Variants in ZBTB20 observed in about 807,000 individuals in gnomAD.
ZBTB20 encodes the protein zinc finger and BTB domain containing 20.
ZBTB20 carries 9 observed loss-of-function variants against 56.9 expected under a neutral mutation model. That is an observed-to-expected ratio of 0.16 (90% CI 0.10 to 0.28). The LOEUF is 0.28. Among genes scored for constraint, ZBTB20 ranks in the 10% least tolerant of loss-of-function variants. ZBTB20 has a pLI of 1.00. For missense variants in ZBTB20, 655 were observed against 1,003.0 expected (o/e 0.65, Z 4.69); for synonymous variants, 417 against 420.7 (o/e 0.99, Z 0.11).
In ZBTB20 at chr3:114,855,983, G is replaced by A. The variant is rs1157346351; in HGVS notation, c.-417+44321C>T. Among the ~76,000 whole-genome samples the A allele has an allele frequency of 3.3e-5, 5 of 152,142 alleles. No individual in the cohort carries two copies. In the East Asian group the frequency reaches 5.8e-4, roughly 18 times the overall value. On this transcript the variant is annotated intron_variant, in intron 4 of 11. Coordinates refer to ENST00000675478, the MANE Select transcript of ZBTB20 (RefSeq NM_001348800.3). The stretch of plus-strand genomic sequence containing the variant: ...CTTCCTAGCATTATTTTAGGGAGGC[G>A]TTAGGGTATAGAGAGTGAAAAACAC...
At chr3:114,464,623 A>C (rs1297320614) in intron 7 of ZBTB20, among the ~76,000 whole-genome samples, 1 of 152,212 alleles carries the variant, frequency 6.6e-6, no homozygotes, top group African/African-American at 2.4e-5. Flanking sequence ...AAGACTAATA[A>C]ATGAATAAAT....
rs2079130051 is a variant in ZBTB20 at position 114,328,447 on chromosome 3, T to C, written c.*10558A>G. The C allele has an allele frequency of 6.6e-6, 1 of 152,114 alleles. No individual in the cohort carries two copies. The highest frequency in any genetic ancestry group is 2.1e-4 in the South Asian group (1 of 4,828). 9.4% of individuals were successfully genotyped at this position (152,114 alleles called of 1,614,324 possible). On this transcript the variant is annotated 3_prime_UTR_variant, in exon 12 of 12. Coordinates refer to ENST00000675478, the MANE Select transcript of ZBTB20 (RefSeq NM_001348800.3). ...GAAACAGTCAACATTAATGATTCTTTTTTTCTCCGTCAAAAGTGATTTACT... is the reference window on the plus strand; with the variant it reads ...GAAACAGTCAACATTAATGATTCTTCTTTTCTCCGTCAAAAGTGATTTACT...
At position 115,139,639 on chromosome 3, in the gene ZBTB20, G is replaced by T. The variant is rs140827056; in HGVS notation, c.-703+7580C>A. Reference sequence around the variant, plus strand: ...AATGTATACCTATGTTTTGCTTAGAGAAGAGAATCACAAAACCAAATTTAT... The same window carrying T: ...AATGTATACCTATGTTTTGCTTAGATAAGAGAATCACAAAACCAAATTTAT... On this transcript the variant is annotated intron_variant, in intron 1 of 11. Coordinates refer to ENST00000675478, the MANE Select transcript of ZBTB20 (RefSeq NM_001348800.3). 2.0e-5 allele frequency among the ~76,000 whole-genome samples: 3 copies of T among 152,094 alleles called. No homozygotes were observed. In the East Asian group the frequency reaches 5.8e-4, roughly 29 times the overall value.
At chr3:114,386,817 T>C (rs974317259) in intron 8 of ZBTB20, among the ~76,000 whole-genome samples, 9 of 152,174 alleles carry the variant, frequency 5.9e-5, no homozygotes, top group African/African-American at 2.2e-4. Flanking sequence ...TTCTTCTCTC[T>C]TATACTTTCA....
chr3:114,361,831 G>A (rs1396969135), intron 10 of ZBTB20, among the ~76,000 whole-genome samples: 1 of 152,184 alleles, frequency 6.6e-6, no homozygotes, highest in Non-Finnish European at 1.5e-5. Context: ...GACATAAAAA[G>A]GCACCACTTT....
chr3:114,670,625 T>C (rs1019026004), intron 6 of ZBTB20, among the ~76,000 whole-genome samples: 4 of 151,760 alleles, frequency 2.6e-5, no homozygotes, highest in Non-Finnish European at 5.9e-5. Flanking sequence ...TGCAGAAAAA[T>C]AAAAGGTAGA....
intron 5 of ZBTB20, among the ~76,000 whole-genome samples, chr3:114,788,981 CCT>C (rs2070753955): frequency 6.6e-6 from 1 of 152,082 alleles, no homozygotes; most frequent in South Asian, 2.1e-4. Flanking sequence ...AAAAACCGCC[CCT>C]GTGATTCAAG....
chr3:115,097,159 G>A (rs2083408595), intron 1 of ZBTB20, among the ~76,000 whole-genome samples: 1 of 151,946 alleles, frequency 6.6e-6, no homozygotes, highest in Non-Finnish European at 1.5e-5. Context: ...ATATGGTCTG[G>A]CATTCCATTT....
intron 6 of ZBTB20, among the ~76,000 whole-genome samples, chr3:114,605,046 C>T (rs774342268): frequency 4.0e-5 from 6 of 151,688 alleles, no homozygotes; most frequent in Non-Finnish European, 5.9e-5. Context: ...AATACTTAGG[C>T]GATGTACTCA....
chr3:115,130,603 G>A (rs1476462371), intron 1 of ZBTB20, among the ~76,000 whole-genome samples: 1 of 152,104 alleles, frequency 6.6e-6, no homozygotes, highest in Non-Finnish European at 1.5e-5. Flanking sequence ...GAAGATTTAA[G>A]AGAACATGTA....
chr3:114,695,313 T>C (rs1458316938), intron 5 of ZBTB20, among the ~76,000 whole-genome samples: 1 of 151,012 alleles, frequency 6.6e-6, no homozygotes, highest in African/African-American at 2.5e-5. Flanking sequence ...GGATCCCATA[T>C]TAAAAAAATA....
rs572732880 is a variant in ZBTB20 at position 114,628,374 on chromosome 3, G to A, written c.-295+65154C>T. Reference sequence around the variant, plus strand: ...TTTAGTGTAGCAGGGCATGGAGGAAGCCAGCCATCCAAAAGTGGAGCAAAG... The same window carrying A: ...TTTAGTGTAGCAGGGCATGGAGGAAACCAGCCATCCAAAAGTGGAGCAAAG... On this transcript the variant is annotated intron_variant, in intron 6 of 11. Coordinates refer to ENST00000675478, the MANE Select transcript of ZBTB20 (RefSeq NM_001348800.3). Among the ~76,000 whole-genome samples the A allele has an allele frequency of 2.0e-5, 3 of 152,270 alleles. No individual in the cohort carries two copies. The East Asian group carries it at 5.8e-4, about 29-fold the overall frequency.
At chr3:115,067,717 C>A (rs1467931343) in intron 2 of ZBTB20, among the ~76,000 whole-genome samples, 2 of 152,076 alleles carry the variant, frequency 1.3e-5, no homozygotes, top group African/African-American at 4.8e-5. Context: ...CAAAATAGAA[C>A]AGAAACATTG....
intron 1 of ZBTB20, among the ~76,000 whole-genome samples, chr3:115,085,101 T>C (rs1314588472): frequency 6.6e-6 from 1 of 151,988 alleles, no homozygotes; most frequent in Non-Finnish European, 1.5e-5. Flanking sequence ...CGGTGAAATC[T>C]GAGATGTCTA....
At chr3:114,651,804 T>C (rs2060150086) in intron 6 of ZBTB20, among the ~76,000 whole-genome samples, 1 of 152,048 alleles carries the variant, frequency 6.6e-6, no homozygotes, top group African/African-American at 2.4e-5. Flanking sequence ...TCTGGGCTTG[T>C]TAATTAGATA....
intron 6 of ZBTB20, among the ~76,000 whole-genome samples, chr3:114,570,747 C>T (rs989793176): frequency 6.6e-6 from 1 of 152,092 alleles, no homozygotes; most frequent in Non-Finnish European, 1.5e-5. Context: ...ACATATAGTA[C>T]AATGAAAACA....
chr3:114,645,724 GAAACC>G (rs1180777808), intron 6 of ZBTB20, among the ~76,000 whole-genome samples: 2 of 152,070 alleles, frequency 1.3e-5, no homozygotes, highest in Non-Finnish European at 2.9e-5. Context: ...TTATTATGGA[GAAACC>G]AAATTAATTT....
At chr3:114,688,328 A>C (rs1481296252) in intron 6 of ZBTB20, 1 of 151,834 alleles carries the variant, frequency 6.6e-6, no homozygotes, top group Admixed American at 6.6e-5. Context: ...AAACCTCAGC[A>C]TCACACAATA....
At chr3:114,595,605 A>T (rs1346410556) in intron 6 of ZBTB20, among the ~76,000 whole-genome samples, 1 of 152,346 alleles carries the variant, frequency 6.6e-6, no homozygotes, top group East Asian at 1.9e-4. Flanking sequence ...TCCAAGGACC[A>T]TTAAGAGTTC....
Sources: allele counts gnomAD v4.1 joint callset (sites outside exome capture counted in the v4.1 genomes callset), GRCh38; gene constraint gnomAD v4.1.1; transcripts MANE v1.5; gene names NCBI Gene and HGNC (gene_info 2026-07-23, HGNC 2026-07-21).